The following PRKN variants were observed in gnomAD, a reference collection of about 807,000 sequenced individuals.
The protein encoded by PRKN is E3 ubiquitin-protein ligase parkin.
A neutral mutation model predicts 59.5 loss-of-function variants in PRKN; 56 were observed. The ratio of observed to expected loss-of-function variants is 0.94; its 90% CI spans 0.76 to 1.18. The LOEUF is 1.18. PRKN is among the 50% of genes most tolerant of loss of function. PRKN has a pLI of 0.00. For missense variants in PRKN, 657 were observed against 596.4 expected (o/e 1.10, Z -1.06); for synonymous variants, 250 against 222.1 (o/e 1.13, Z -1.12).
intron 1 of PRKN, among the ~76,000 whole-genome samples, chr6:162,450,089 G>T (rs1272167728): frequency 6.6e-6 from 1 of 152,164 alleles, no homozygotes; most frequent in African/African-American, 2.4e-5. Flanking sequence ...AGACACAGAA[G>T]AAAATGAGTC....
rs1247114547 is a variant in PRKN, at chr6:162,056,952, CT to C, written c.535-2779del. Among the ~76,000 whole-genome samples, 1 of 152,172 alleles carries C rather than the reference CT, an allele frequency of 6.6e-6. No individual in the cohort carries two copies. The highest frequency in any genetic ancestry group is 2.4e-5 in the African/African-American group (1 of 41,440). ...TGCGGTTTCCTCTAAACTCCTCCCC[CT>C]GGGCCTTTTCCCCTCGCTTCATATC... On this transcript the variant is annotated intron_variant, in intron 4 of 11. Transcript: ENST00000366898. The surrounding 1 kb of genome is among the most constrained non-coding windows in gnomAD (Gnocchi z 4.9).
Position 161,622,928 on chromosome 6 carries a change from C to T in PRKN, c.872-53512G>A, listed in dbSNP as rs76774761. Reference sequence around the variant, plus strand: ...CTATGCAGTTTGGAAATCATCTGCTCTTGTGGCTCATCTGCGTTGCTCACT... The same window carrying T: ...CTATGCAGTTTGGAAATCATCTGCTTTTGTGGCTCATCTGCGTTGCTCACT... On this transcript the variant is annotated intron_variant, in intron 7 of 11. Coordinates refer to ENST00000366898, the MANE Select transcript of PRKN (RefSeq NM_004562.3). Among the ~76,000 whole-genome samples the T allele has an allele frequency of 3.3e-3, 496 of 152,352 alleles. 3 individuals are homozygous for T. The highest frequency in any genetic ancestry group is 0.011 in the African/African-American group (470 of 41,584).
rs113681362 is a variant in PRKN, at chr6:161,825,609, G to A, written c.735-39701C>T. Among the ~76,000 whole-genome samples, 1,192 of 152,214 alleles carry A rather than the reference G, an allele frequency of 7.8e-3. 17 individuals carry two copies. The highest frequency in any genetic ancestry group is 0.027 in the African/African-American group (1,139 of 41,542). The stretch of plus-strand genomic sequence containing the variant: ...AGGGACTTTTCAGCATGGAGCTTCC[G>A]CTCTACTCCCAAGCTTGAATGAAAT... On this transcript the variant is annotated intron_variant, in intron 6 of 11. Coordinates refer to ENST00000366898, the MANE Select transcript of PRKN (RefSeq NM_004562.3).
At chr6:161,869,525 G>T (rs1301749714) in intron 6 of PRKN, among the ~76,000 whole-genome samples, 3 of 152,100 alleles carry the variant, frequency 2.0e-5, no homozygotes, top group Non-Finnish European at 4.4e-5. Context: ...ATATTTTTTA[G>T]TATAATGGTT....
intron 6 of PRKN, among the ~76,000 whole-genome samples, chr6:161,882,355 C>A (rs1001908273): frequency 6.6e-6 from 1 of 152,106 alleles, no homozygotes; most frequent in African/African-American, 2.4e-5. Flanking sequence ...CGGGGGCGTG[C>A]GGTGCAAGAA....
At chr6:161,505,693 G>A (rs373019020) in intron 9 of PRKN, among the ~76,000 whole-genome samples, 192 of 106,172 alleles carry the variant, frequency 1.8e-3, no homozygotes, top group Middle Eastern at 4.2e-3. Flanking sequence ...ATCTTGAATT[G>A]ATTTTTGTAT....
intron 3 of PRKN, among the ~76,000 whole-genome samples, chr6:162,203,502 T>C (rs1019771927): frequency 2.0e-5 from 3 of 152,198 alleles, no homozygotes; most frequent in Non-Finnish European, 4.4e-5. Flanking sequence ...TCCCTATTTA[T>C]TTAGCTACAT....
chr6:162,379,639 T>C (rs2128140048), intron 2 of PRKN, among the ~76,000 whole-genome samples: 1 of 152,274 alleles, frequency 6.6e-6, no homozygotes, highest in Middle Eastern at 3.4e-3. Flanking sequence ...GACCCGCCTC[T>C]GGCTGGTGAA....
At chr6:162,010,035 C>G (rs944200202) in intron 5 of PRKN, among the ~76,000 whole-genome samples, 1 of 151,104 alleles carries the variant, frequency 6.6e-6, no homozygotes, top group Non-Finnish European at 1.5e-5. Flanking sequence ...CTTGGAGTTA[C>G]TATTTAATGA....
intron 2 of PRKN, among the ~76,000 whole-genome samples, chr6:162,273,532 C>T (rs527670060): frequency 6.6e-6 from 1 of 152,068 alleles, no homozygotes. Context: ...AAGTTGATTA[C>T]TGGTATGATA....
At chr6:162,393,687 G>T (rs930107502) in intron 2 of PRKN, among the ~76,000 whole-genome samples, 4 of 152,134 alleles carry the variant, frequency 2.6e-5, no homozygotes, top group African/African-American at 9.7e-5. Context: ...TGGTATTGTG[G>T]TAAGAGTAAA....
chr6:161,836,340 G>T (rs981620411), intron 6 of PRKN, among the ~76,000 whole-genome samples: 1 of 152,190 alleles, frequency 6.6e-6, no homozygotes, highest in Non-Finnish European at 1.5e-5. Flanking sequence ...CCCTCATCTG[G>T]TCATCCTTCC....
At chr6:162,292,809 T>G (rs1457618919) in intron 2 of PRKN, among the ~76,000 whole-genome samples, 4 of 152,080 alleles carry the variant, frequency 2.6e-5, no homozygotes, top group African/African-American at 9.7e-5. Context: ...TTTGATTAGG[T>G]GAAAGTAAAG....
chr6:162,419,977 C>T (rs947652714), intron 2 of PRKN, among the ~76,000 whole-genome samples: 4 of 152,062 alleles, frequency 2.6e-5, no homozygotes, highest in Admixed American at 2.0e-4. Flanking sequence ...GGACTGGTTT[C>T]GTGGGAGACA....
intron 4 of PRKN, among the ~76,000 whole-genome samples, chr6:162,151,020 T>A (rs1363989036): frequency 1.3e-5 from 2 of 152,086 alleles, no homozygotes; most frequent in Non-Finnish European, 2.9e-5. Flanking sequence ...GGAAAGCCAC[T>A]AGTGAAGATC....
At chr6:161,999,082 T>C (rs1781950343) in intron 5 of PRKN, among the ~76,000 whole-genome samples, 1 of 152,060 alleles carries the variant, frequency 6.6e-6, no homozygotes, top group South Asian at 2.1e-4. Context: ...AAGAAGGATT[T>C]CTAACAACCG....
At chr6:162,200,101 C>T (rs1784658634) in intron 4 of PRKN, among the ~76,000 whole-genome samples, 1 of 152,154 alleles carries the variant, frequency 6.6e-6, no homozygotes, top group African/African-American at 2.4e-5. Context: ...CTGAACATGC[C>T]AGTCATCACT....
chr6:161,684,479 T>G (rs1174847511), intron 7 of PRKN, among the ~76,000 whole-genome samples: 1 of 152,166 alleles, frequency 6.6e-6, no homozygotes, highest in East Asian at 1.9e-4. Flanking sequence ...ACTAAGAAAT[T>G]TATGTCACAT....
intron 7 of PRKN, among the ~76,000 whole-genome samples, chr6:161,779,440 CT>C (rs10683923): frequency 1.5e-3 from 64 of 41,838 alleles, no homozygotes; most frequent in African/African-American, 5.0e-3. Flanking sequence ...CTTTTCTTTT[CT>C]TTTTTTTTTT....
Sources: allele counts gnomAD v4.1 joint callset (sites outside exome capture counted in the v4.1 genomes callset), GRCh38; gene constraint gnomAD v4.1.1; non-coding constraint Gnocchi (gnomAD v3.1); transcripts MANE v1.5; gene names NCBI Gene and HGNC (gene_info 2026-07-23, HGNC 2026-07-21).